Variants in KCNIP4 observed in about 807,000 individuals in gnomAD.
The protein encoded by KCNIP4 is potassium voltage-gated channel interacting protein 4.
Under a neutral mutation model 34.0 loss-of-function variants are expected in KCNIP4, and 12 were observed. That is an observed-to-expected ratio of 0.35 (90% confidence interval 0.23 to 0.57). The LOEUF (loss-of-function observed/expected upper bound fraction) is 0.57, where lower values mean the gene tolerates loss of function less well. KCNIP4 is among the 20% of genes least tolerant of loss of function. The probability of loss-of-function intolerance (pLI) is 0.83; values close to 1 mark genes in which losing one functional copy is unlikely to be tolerated. For missense variants in KCNIP4, 238 were observed against 311.7 expected, an observed-to-expected ratio of 0.76 and a Z score of 1.78; for synonymous variants, 124 against 102.2, an observed-to-expected ratio of 1.21 and a Z score of -1.29.
At chr4:21,409,311 T>A (rs1012232483) in intron 1 of KCNIP4, among the ~76,000 whole-genome samples, 3 of 151,502 alleles carry the variant, frequency 2.0e-5, no homozygotes, top group African/African-American at 7.3e-5. Flanking sequence ...GAGGCAGGGG[T>A]CTCACTATGT....
At chr4:20,773,794 G>C (rs552020933) in intron 3 of KCNIP4, among the ~76,000 whole-genome samples, 10 of 152,166 alleles carry the variant, frequency 6.6e-5, no homozygotes, top group Non-Finnish European at 1.5e-4. Context: ...GGGGCCCAGA[G>C]ACTCTGATCT....
intron 1 of KCNIP4, among the ~76,000 whole-genome samples, chr4:21,181,846 T>G (rs2109324508): frequency 6.6e-6 from 1 of 152,258 alleles, no homozygotes; most frequent in Admixed American, 6.5e-5. Context: ...AGTAAAATTT[T>G]GAAACTTAAT....
At chr4:21,209,415 T>C (rs954072620) in intron 1 of KCNIP4, among the ~76,000 whole-genome samples, 6 of 152,156 alleles carry the variant, frequency 3.9e-5, no homozygotes, top group African/African-American at 1.4e-4. Flanking sequence ...TCCCCAACAC[T>C]CTTCCCAGTC....
chr4:21,087,475 A>C lies in KCNIP4; in HGVS notation c.62-204766T>G, dbSNP rs1746574811. Among the ~76,000 whole-genome samples, 2 of 151,976 alleles carry C rather than the reference A, an allele frequency of 1.3e-5. 1 individual carries two copies. Among genetic ancestry groups the C allele is most frequent in the South Asian group, 4.2e-4 (2 of 4,814 alleles). ...TATAATTTTTGTGTTTTTAGTAGAC[A>C]TGGGGTTTCATCATGTTGGCCCAGT... is the stretch of plus-strand genomic sequence containing the variant. On this transcript the variant is annotated intron_variant, in intron 1 of 8. Coordinates refer to ENST00000382152, the MANE Select transcript of KCNIP4 (RefSeq NM_025221.6).
chr4:21,821,822 C>T (rs1252059335), intron 1 of KCNIP4, among the ~76,000 whole-genome samples: 1 of 151,820 alleles, frequency 6.6e-6, no homozygotes. Flanking sequence ...AATTTTATAC[C>T]CTATTCATTA....
At chr4:20,910,557 C>T (rs1479646668) in intron 1 of KCNIP4, among the ~76,000 whole-genome samples, 3 of 152,136 alleles carry the variant, frequency 2.0e-5, no homozygotes, top group East Asian at 1.9e-4. Flanking sequence ...TGAAGCAGAA[C>T]GAGCCTAACG....
intron 1 of KCNIP4, among the ~76,000 whole-genome samples, chr4:21,906,623 T>C (rs1728016994): frequency 6.6e-6 from 1 of 152,182 alleles, no homozygotes; most frequent in African/African-American, 2.4e-5. Flanking sequence ...TTTATTACAG[T>C]GGTCCCAGGA....
chr4:21,613,217 A>G (rs1744306028), intron 1 of KCNIP4: 1 of 152,190 alleles, frequency 6.6e-6, no homozygotes, highest in Non-Finnish European at 1.5e-5. Flanking sequence ...TACCACATTC[A>G]ATAGGGCTGA....
intron 1 of KCNIP4, among the ~76,000 whole-genome samples, chr4:21,416,298 T>A (rs1724948875): frequency 6.6e-6 from 1 of 152,136 alleles, no homozygotes; most frequent in Non-Finnish European, 1.5e-5. Flanking sequence ...TGTAACTTGG[T>A]AGAGGGATTA....
chr4:20,958,906 GA>G (rs1182718767), intron 1 of KCNIP4, among the ~76,000 whole-genome samples: 1 of 152,194 alleles, frequency 6.6e-6, no homozygotes, highest in Non-Finnish European at 1.5e-5. Flanking sequence ...CACAGCCTAT[GA>G]AAAAATTGAC....
chr4:21,529,411 A>C lies in KCNIP4; in HGVS notation c.61+419160T>G, dbSNP rs189986563. Among the ~76,000 whole-genome samples, 26 of 152,328 alleles carry C rather than the reference A, an allele frequency of 1.7e-4. No individual in the cohort carries two copies. The East Asian group carries it at 3.7e-3, about 21-fold the overall frequency. ...GACAGTGGTTAAAGCACACTTCCTC[A>C]GGTTAAGATAAGTTCAGGAAGTGGA... On this transcript the variant is annotated intron_variant, in intron 1 of 8. Coordinates refer to ENST00000382152, the MANE Select transcript of KCNIP4 (RefSeq NM_025221.6).
At chr4:21,355,271 A>T (rs991325486) in intron 1 of KCNIP4, among the ~76,000 whole-genome samples, 1 of 152,188 alleles carries the variant, frequency 6.6e-6, no homozygotes, top group African/African-American at 2.4e-5. Context: ...CAAATTCAAA[A>T]GCTAGCAGAA....
At position 21,495,542 on chromosome 4, in the gene KCNIP4, T is replaced by G. The variant is rs549601607; in HGVS notation, c.61+453029A>C. 4.6e-5 allele frequency among the ~76,000 whole-genome samples: 7 copies of G among 152,176 alleles called. No homozygotes were observed. In the East Asian group the frequency reaches 1.4e-3, roughly 29 times the overall value. ...CCGATGATGATAAAAGATAAAGAGGTTTAGGATTTTGTGGTATGATGACCA... is the reference window on the plus strand; with the variant it reads ...CCGATGATGATAAAAGATAAAGAGGGTTAGGATTTTGTGGTATGATGACCA... On this transcript the variant is annotated intron_variant, in intron 1 of 8. Coordinates refer to ENST00000382152, the MANE Select transcript of KCNIP4 (RefSeq NM_025221.6).
chr4:21,766,023 T>C (rs1398858129), intron 1 of KCNIP4, among the ~76,000 whole-genome samples: 1 of 151,962 alleles, frequency 6.6e-6, no homozygotes, highest in Non-Finnish European at 1.5e-5. Context: ...TGGACCAGGA[T>C]TGTAGATTTC....
At chr4:21,697,484 A>G (rs748179657) in intron 1 of KCNIP4, 2 of 1,373,342 alleles carry the variant, frequency 1.5e-6, no homozygotes, top group Non-Finnish European at 1.9e-6. Context: ...AGTCTTTGCC[A>G]ATAATAATAA....
At chr4:21,563,759 G>A (rs1739634492) in intron 1 of KCNIP4, among the ~76,000 whole-genome samples, 1 of 152,028 alleles carries the variant, frequency 6.6e-6, no homozygotes, top group African/African-American at 2.4e-5. Context: ...AGGAGGGAAA[G>A]TAGAAGTGAC....
At chr4:21,397,317 C>T (rs910353752) in intron 1 of KCNIP4, among the ~76,000 whole-genome samples, 1 of 152,078 alleles carries the variant, frequency 6.6e-6, no homozygotes, top group Non-Finnish European at 1.5e-5. Flanking sequence ...TACAAAATGC[C>T]CTGGAAACAC....
chr4:21,269,787 G>A (rs539104391), intron 1 of KCNIP4, among the ~76,000 whole-genome samples: 9 of 152,156 alleles, frequency 5.9e-5, no homozygotes, highest in African/African-American at 2.2e-4. Flanking sequence ...TGGCTCAAAA[G>A]TTGGGGGGAA....
At chr4:21,452,126 G>A (rs976432762) in intron 1 of KCNIP4, among the ~76,000 whole-genome samples, 6 of 151,936 alleles carry the variant, frequency 3.9e-5, no homozygotes, top group Admixed American at 3.9e-4. Flanking sequence ...AGGCACTGAG[G>A]GGATCTGTGA....
Sources: gnomAD v4.1 joint callset for allele counts (sites outside exome capture counted in the v4.1 genomes callset) on GRCh38, gnomAD v4.1.1 for gene constraint, MANE v1.5 for transcripts, NCBI Gene and HGNC (gene_info 2026-07-23, HGNC 2026-07-21) for gene names.